MARCHF1: variants seen among roughly 807,000 people sequenced by gnomAD.
MARCHF1 encodes membrane associated ring-CH-type finger 1.
MARCHF1 carries 40 observed loss-of-function variants against 54.2 expected under a neutral mutation model. That is an observed-to-expected ratio of 0.74 (90% CI 0.57 to 0.96). The LOEUF (loss-of-function observed/expected upper bound fraction) is 0.96. Ranked by LOEUF, MARCHF1 falls within the 40% of genes least tolerant of loss-of-function variation. The pLI is 0.00. For missense variants in MARCHF1, 586 were observed against 656.5 expected (o/e 0.89, Z 1.17); for synonymous variants, 236 against 236.3 (o/e 1.00, Z 0.01).
In MARCHF1 at chr4:164,220,602, A is replaced by ATC. The variant is rs1732073308; in HGVS notation, c.-322-108941_-322-108940insGA. On this transcript the variant is annotated intron_variant, in intron 1 of 9. Coordinates refer to ENST00000514618, the MANE Select transcript of MARCHF1 (RefSeq NM_001394959.1). ...TACATATGATATATGTATATATGTA[A>ATC]TATATATGCTATATATGCATATATG... is the stretch of plus-strand genomic sequence containing the variant. 2.1e-5 allele frequency among the ~76,000 whole-genome samples: 3 copies of ATC among 145,688 alleles called. 1 individual carries two copies. The South Asian group carries it at 6.4e-4, about 31-fold the overall frequency.
chr4:163,836,322 T>G (rs1233288378), intron 4 of MARCHF1, among the ~76,000 whole-genome samples: 3 of 151,008 alleles, frequency 2.0e-5, no homozygotes, highest in African/African-American at 7.3e-5. Flanking sequence ...CTCGGCTCAC[T>G]GCAAACTGCG....
chr4:164,153,949 T>C (rs1460311186), intron 1 of MARCHF1, among the ~76,000 whole-genome samples: 1 of 152,210 alleles, frequency 6.6e-6, no homozygotes, highest in Admixed American at 6.5e-5. Flanking sequence ...CTTTCTAAAC[T>C]ATAAACAGCC....
At chr4:163,800,070 T>TAGAAGC (rs1748035751) in intron 4 of MARCHF1, among the ~76,000 whole-genome samples, 1 of 152,042 alleles carries the variant, frequency 6.6e-6, no homozygotes, top group South Asian at 2.1e-4. Context: ...CATGTATAAG[T>TAGAAGC]AGAAGCTAAA....
chr4:164,146,441 AC>A (rs1209910507), intron 1 of MARCHF1, among the ~76,000 whole-genome samples: 7 of 152,204 alleles, frequency 4.6e-5, no homozygotes, highest in African/African-American at 1.7e-4. Flanking sequence ...GGCTATAGTA[AC>A]CAAAACAGCA....
intron 2 of MARCHF1, among the ~76,000 whole-genome samples, chr4:164,110,436 A>C (rs1051044302): frequency 2.0e-5 from 3 of 151,656 alleles, no homozygotes; most frequent in African/African-American, 7.3e-5. Flanking sequence ...GATTTTTTTG[A>C]ACTAATTTAT....
At chr4:163,793,028 T>C (rs1368588154) in intron 4 of MARCHF1, among the ~76,000 whole-genome samples, 2 of 152,204 alleles carry the variant, frequency 1.3e-5, no homozygotes, top group African/African-American at 2.4e-5. Context: ...CAGTGGTGCA[T>C]ATAAACAACT....
chr4:164,100,954 C>A (rs972344928), intron 2 of MARCHF1, among the ~76,000 whole-genome samples: 1 of 152,316 alleles, frequency 6.6e-6, no homozygotes, highest in Non-Finnish European at 1.5e-5. Context: ...ACTTGGGAAG[C>A]GCAAGAGGTC....
chr4:163,700,016 T>G (rs567077761), intron 5 of MARCHF1, among the ~76,000 whole-genome samples: 1 of 152,038 alleles, frequency 6.6e-6, no homozygotes, highest in African/African-American at 2.4e-5. Context: ...GCCAAACTGA[T>G]GTTTTTATCA....
chr4:164,043,776 G>C (rs1754181693), intron 2 of MARCHF1, among the ~76,000 whole-genome samples: 1 of 152,066 alleles, frequency 6.6e-6, no homozygotes, highest in African/African-American at 2.4e-5. Context: ...TCCAATTTCA[G>C]ACCATTTCTT....
chr4:164,201,436 G>A (rs1731452019), intron 1 of MARCHF1, among the ~76,000 whole-genome samples: 1 of 152,116 alleles, frequency 6.6e-6, no homozygotes, highest in Non-Finnish European at 1.5e-5. Flanking sequence ...TGGCCATGAT[G>A]GTCTCCATCT....
intron 4 of MARCHF1, among the ~76,000 whole-genome samples, chr4:163,790,213 T>G (rs114429586): frequency 1.3e-5 from 2 of 152,112 alleles, no homozygotes; most frequent in Admixed American, 6.6e-5. Flanking sequence ...AAAAGAACTA[T>G]GAAGCTTAAT....
intron 3 of MARCHF1, among the ~76,000 whole-genome samples, chr4:163,903,823 C>T (rs188716921): frequency 2.2e-4 from 34 of 152,054 alleles, no homozygotes; most frequent in Admixed American, 2.1e-3. Context: ...AGATTGTTGC[C>T]CAGGCTGGTC....
intron 1 of MARCHF1, among the ~76,000 whole-genome samples, chr4:164,240,311 T>G (rs1050161627): frequency 3.9e-5 from 6 of 152,356 alleles, no homozygotes; most frequent in African/African-American, 1.4e-4. Context: ...TGGGAGTAGC[T>G]TGACTATGTT....
At chr4:164,331,044 C>G (rs757183999) in intron 1 of MARCHF1, among the ~76,000 whole-genome samples, 5 of 152,056 alleles carry the variant, frequency 3.3e-5, no homozygotes, top group Non-Finnish European at 5.9e-5. Flanking sequence ...AATATTTAGC[C>G]ATTAACACCA....
chr4:164,199,634 A>T (rs963084097), intron 1 of MARCHF1, among the ~76,000 whole-genome samples: 1,500 of 93,998 alleles, frequency 0.016, 10 homozygotes, highest in Non-Finnish European at 0.02. Flanking sequence ...GGACTCTGTC[A>T]CACACACACA....
At chr4:164,079,088 C>A (rs1466004158) in intron 2 of MARCHF1, among the ~76,000 whole-genome samples, 1 of 152,118 alleles carries the variant, frequency 6.6e-6, no homozygotes, top group South Asian at 2.1e-4. Flanking sequence ...GCCTTTTGCA[C>A]TTCTTCCCCT....
chr4:164,192,288 C>T (rs556169772), intron 1 of MARCHF1, among the ~76,000 whole-genome samples: 1 of 152,134 alleles, frequency 6.6e-6, no homozygotes. Context: ...TAAATTCATA[C>T]ATCATTGCTT....
chr4:164,177,810 C>G (rs574019714), intron 1 of MARCHF1, among the ~76,000 whole-genome samples: 57,195 of 120,678 alleles, frequency 0.47, 11,449 homozygotes, highest in Non-Finnish European at 0.59. Flanking sequence ...GAAAGAGACA[C>G]ACACACACAC....
chr4:163,790,825 A>G (rs959696133), intron 4 of MARCHF1, among the ~76,000 whole-genome samples: 1 of 152,084 alleles, frequency 6.6e-6, no homozygotes, highest in Non-Finnish European at 1.5e-5. Flanking sequence ...GAGGGATAAA[A>G]ACAGAATTCC....
Sources: gnomAD v4.1 joint callset for allele counts (sites outside exome capture counted in the v4.1 genomes callset) on GRCh38, gnomAD v4.1.1 for gene constraint, MANE v1.5 for transcripts, NCBI Gene and HGNC (gene_info 2026-07-23, HGNC 2026-07-21) for gene names.